The following FBXL3 variants were observed in gnomAD, a reference collection of about 807,000 sequenced individuals.
FBXL3 encodes F-box/LRR-repeat protein 3.
Under a neutral mutation model 37.9 loss-of-function variants are expected in FBXL3, and 14 were observed. That is an observed-to-expected ratio of 0.37 (90% CI 0.24 to 0.58). The LOEUF (loss-of-function observed/expected upper bound fraction) is 0.58, where lower values mean the gene tolerates loss of function less well. Ranked by LOEUF, FBXL3 falls within the 20% of genes least tolerant of loss-of-function variation. The pLI is 0.74. For missense variants in FBXL3, 327 were observed against 511.1 expected (o/e 0.64, Z 3.47); for synonymous variants, 194 against 180.1 (o/e 1.08, Z -0.62).
In FBXL3 at chr13:77,007,680, C is replaced by T. The variant is rs1462227471; in HGVS notation, c.752G>A (p.Arg251Gln). ...LLALSSEKHV[R>Q]LEHLRIDVVS... The stretch of plus-strand genomic sequence containing the variant: ...TACATCAATGCGCAAATGTTCTAAT[C>T]GAACATGTTTTTCAGAAGACAATGC... The change falls in exon 5 of 5, where the codon CGA (arginine) becomes CAA (glutamine). Residue 251 changes from arginine to glutamine, a missense_variant. Transcript: ENST00000355619. The T allele has an allele frequency of 1.9e-6, 3 of 1,613,978 alleles. No individual in the cohort carries two copies. Among genetic ancestry groups the T allele is most frequent in the East Asian group, 2.2e-5 (1 of 44,894 alleles).
In FBXL3 at chr13:77,007,710, A is replaced by C; in HGVS notation, c.722T>G (p.Leu241Ter). 1 of 1,614,142 alleles carries C rather than the reference A, an allele frequency of 6.2e-7. No individual in the cohort carries two copies. The highest frequency in any genetic ancestry group is 8.5e-7 in the Non-Finnish European group (1 of 1,180,012). Residue 241 changes from leucine to a stop codon, truncating the protein, a stop_gained, in exon 5 of 5, where the codon TTA becomes TGA. Coordinates refer to ENST00000355619, the MANE Select transcript of FBXL3 (RefSeq NM_012158.4). LOFTEE classifies it high-confidence loss of function. ...LNYHLLSDEL[L>*]LALSSEKHVR... ...ATGTTTTTCAGAAGACAATGCAAGTAACAACTCATCACTCAATAAGTGGTA... is the reference window on the plus strand; with the variant it reads ...ATGTTTTTCAGAAGACAATGCAAGTCACAACTCATCACTCAATAAGTGGTA...
chr13:77,006,948 T>C lies in FBXL3; in HGVS notation c.*197A>G. 2.1e-6 allele frequency: 3 copies of C among 1,401,760 alleles called. No individual in the cohort carries two copies. Among genetic ancestry groups the C allele is most frequent in the Non-Finnish European group, 2.8e-6 (3 of 1,082,562 alleles). The allele number at this position is 1,401,760 out of a possible 1,614,324, so 86.8% of individuals were successfully genotyped here. On this transcript the variant is annotated 3_prime_UTR_variant, in exon 5 of 5. Coordinates refer to ENST00000355619, the MANE Select transcript of FBXL3 (RefSeq NM_012158.4). ...AAAAAATTCGGAGATATGACTGCTA[T>C]TACACTAAGGAAACAAGTGGAATTT...
At chr13:77,023,538 A>G (rs1055502096) in intron 1 of FBXL3, among the ~76,000 whole-genome samples, 1 of 152,160 alleles carries the variant, frequency 6.6e-6, no homozygotes. Context: ...TTTACTATCA[A>G]TGCATTACCG....
In FBXL3 at chr13:77,022,300, C is replaced by G. The variant is rs144544679; in HGVS notation, c.-1-439G>C. Among the ~76,000 whole-genome samples the G allele has an allele frequency of 8.5e-5, 13 of 152,234 alleles. No homozygotes were observed. The East Asian group carries it at 2.5e-3, about 29-fold the overall frequency. On this transcript the variant is annotated intron_variant, in intron 1 of 4. Coordinates refer to ENST00000355619, the MANE Select transcript of FBXL3 (RefSeq NM_012158.4). ...GGCCAACCAGGGTCCCAAGAACCTC[C>G]AGAGAGGATGTTCCACATTTAATAG...
At chr13:77,025,456 G>T (rs979250692) in intron 1 of FBXL3, among the ~76,000 whole-genome samples, 1 of 152,000 alleles carries the variant, frequency 6.6e-6, no homozygotes, top group Non-Finnish European at 1.5e-5. Flanking sequence ...GGCGCGGTGG[G>T]CCACGCCTGT....
intron 3 of FBXL3, chr13:77,016,773 C>T (rs1162155763): frequency 6.6e-6 from 1 of 152,308 alleles, no homozygotes; most frequent in East Asian, 1.9e-4. Context: ...ACAACAGAAC[C>T]TCCTGCCTCG....
intron 2 of FBXL3, among the ~76,000 whole-genome samples, chr13:77,019,324 T>C (rs909136914): frequency 6.6e-6 from 1 of 151,934 alleles, no homozygotes; most frequent in African/African-American, 2.4e-5. Context: ...CAAAGACATT[T>C]CCTAAGGGAA....
At chr13:77,021,885 T>C in intron 1 of FBXL3, 24 bp from the exon 2 acceptor site, 2 of 1,546,184 alleles carry the variant, frequency 1.3e-6, no homozygotes, top group Non-Finnish European at 1.8e-6. Flanking sequence ...TGCATCAGTT[T>C]TTTTCCTACT....
rs561916950 is a variant in FBXL3 at position 77,005,990 on chromosome 13, A to G, written c.*1155T>C. On this transcript the variant is annotated 3_prime_UTR_variant, in exon 5 of 5. Coordinates refer to ENST00000355619, the MANE Select transcript of FBXL3 (RefSeq NM_012158.4). Reference sequence around the variant, plus strand: ...AATAATATAAAATATCGGTTTAACCAAATTAACAATCACAAAACTGCAGAC... The same window carrying G: ...AATAATATAAAATATCGGTTTAACCGAATTAACAATCACAAAACTGCAGAC... The G allele has an allele frequency of 1.0e-4, 16 of 152,702 alleles. No individual in the cohort carries two copies. Among genetic ancestry groups the G allele is most frequent in the African/African-American group, 3.8e-4 (16 of 41,582 alleles). 9.5% of individuals were successfully genotyped at this position (152,702 alleles called of 1,614,324 possible). A position where few individuals can be genotyped will look rare whatever the true frequency, so the allele number is the denominator to read the frequency against.
chr13:77,008,886 A>AT (rs1388161251), intron 4 of FBXL3: 1 of 152,166 alleles, frequency 6.6e-6, no homozygotes, highest in Non-Finnish European at 1.5e-5. Context: ...GAGGCACCTT[A>AT]TATTACCTGG....
chr13:77,020,121 T>C (rs887176008), intron 2 of FBXL3, among the ~76,000 whole-genome samples: 1 of 152,200 alleles, frequency 6.6e-6, no homozygotes, highest in Non-Finnish European at 1.5e-5. Context: ...GAGTCCTGAA[T>C]TTTTGTTTGA....
intron 1 of FBXL3, chr13:77,026,421 C>T: frequency 1.0e-6 from 1 of 959,976 alleles, no homozygotes; most frequent in Non-Finnish European, 1.2e-6. Context: ...TGCCTCATTG[C>T]TCAAGCTACC....
intron 3 of FBXL3, chr13:77,017,282 AAAATT>A (rs906731587): frequency 3.9e-5 from 6 of 152,222 alleles, no homozygotes; most frequent in East Asian, 3.8e-4. Context: ...GAAAAAAAAG[AAAATT>A]AAATTATGTT....
chr13:77,022,404 T>C (rs540052157), intron 1 of FBXL3, among the ~76,000 whole-genome samples: 16 of 152,294 alleles, frequency 1.1e-4, no homozygotes, highest in Admixed American at 2.6e-4. Context: ...CTTTACAGTC[T>C]GAACTCCTCC....
In FBXL3 at chr13:77,018,651, T is replaced by G; in HGVS notation, c.420A>C (p.Lys140Asn). Residue 140 changes from lysine (K) to asparagine (N), a missense_variant, in exon 3 of 5, where the codon AAA becomes AAC. Transcript: ENST00000355619. ...ILSQLVNCSLKTLGLISTARP... is the reference protein window; with the variant it reads ...ILSQLVNCSLNTLGLISTARP... ...GAGCAGTTGAAATAAGTCCAAGTGTTTTTAAAGAGCAATTCACAAGTTGCG... is the reference window on the plus strand; with the variant it reads ...GAGCAGTTGAAATAAGTCCAAGTGTGTTTAAAGAGCAATTCACAAGTTGCG... 6.3e-7 allele frequency: 1 copy of G among 1,597,304 alleles called. No homozygotes were observed. The highest frequency in any genetic ancestry group is 1.1e-5 in the South Asian group (1 of 88,066).
In FBXL3 at chr13:77,007,033, GAT is replaced by G; in HGVS notation, c.*110_*111del. ...ACAATCTTTACATATACTGACTGAA[GAT>G]ATCAAATTTCTGTGCCACAAAATAG... On this transcript the variant is annotated 3_prime_UTR_variant, in exon 5 of 5. Coordinates refer to ENST00000355619, the MANE Select transcript of FBXL3 (RefSeq NM_012158.4). The G allele has an allele frequency of 6.9e-7, 1 of 1,454,740 alleles. No individual in the cohort carries two copies. The highest frequency in any genetic ancestry group is 9.0e-7 in the Non-Finnish European group (1 of 1,110,822). 90.1% of individuals were successfully genotyped at this position (1,454,740 alleles called of 1,614,324 possible).
rs1019535729 is a variant in FBXL3 at position 77,005,577 on chromosome 13, A to C, written c.*1568T>G. The C allele has an allele frequency of 5.9e-5, 9 of 152,368 alleles. No individual in the cohort carries two copies. The highest frequency in any genetic ancestry group is 1.3e-4 in the Admixed American group (2 of 15,280). The allele number at this position is 152,368 out of a possible 1,614,324, so 9.4% of individuals were successfully genotyped here. On this transcript the variant is annotated 3_prime_UTR_variant, in exon 5 of 5. Transcript: ENST00000355619. ...TTACTATAATTGCTGTTAATTTTCGAATCTAGATAAGCCTTTTTTCTTCTC... is the reference window on the plus strand; with the variant it reads ...TTACTATAATTGCTGTTAATTTTCGCATCTAGATAAGCCTTTTTTCTTCTC...
At chr13:77,018,296 G>T (rs538698608) in intron 3 of FBXL3, 3 of 176,680 alleles carry the variant, frequency 1.7e-5, no homozygotes, top group East Asian at 2.9e-4. Flanking sequence ...CCCAAAATGA[G>T]TATCTATGTG....
chr13:77,025,326 G>A (rs543509248), intron 1 of FBXL3, among the ~76,000 whole-genome samples: 1 of 152,302 alleles, frequency 6.6e-6, no homozygotes, highest in South Asian at 2.1e-4. Flanking sequence ...ACAGCTTTTG[G>A]TGAGGGACTG....
Sources: allele counts gnomAD v4.1 joint callset (sites outside exome capture counted in the v4.1 genomes callset), GRCh38; gene constraint gnomAD v4.1.1; transcripts MANE v1.5; gene names NCBI Gene and HGNC (gene_info 2026-07-23, HGNC 2026-07-21).